RRM2: variants seen among roughly 807,000 people sequenced by gnomAD.
The protein encoded by RRM2 is ribonucleoside-diphosphate reductase subunit M2.
Under a neutral mutation model 45.9 loss-of-function variants are expected in RRM2, and 6 were observed. The observed-to-expected ratio is 0.13, with a 90% CI of 0.07 to 0.26. RRM2 has a LOEUF of 0.26. Ranked by LOEUF, RRM2 falls within the 10% of genes least tolerant of loss-of-function variation. The pLI is 1.00. For synonymous variants in RRM2, 177 were observed against 173.0 expected (o/e 1.02, Z -0.18); for missense variants, 343 against 489.5 (o/e 0.70, Z 2.82).
intron 3 of RRM2, among the ~76,000 whole-genome samples, chr2:10,175,704 T>G (rs1361768171): frequency 6.6e-6 from 1 of 152,028 alleles, no homozygotes; most frequent in Non-Finnish European, 1.5e-5. Flanking sequence ...TTCAAGTGAT[T>G]CTCCCCATCA....
chr2:10,158,899 C>A lies in RRM2; in HGVS notation n.482+16524C>A, dbSNP rs1331337573. Among the ~76,000 whole-genome samples, 5 of 152,138 alleles carry A rather than the reference C, an allele frequency of 3.3e-5. No homozygotes were observed. The East Asian group carries it at 9.7e-4, about 30-fold the overall frequency. ...CAGGCAGAAGCTGACACTGACCTGA[C>A]CCAACCTGGGCAGGCCTAGGAGAGC... is the stretch of plus-strand genomic sequence containing the variant. On this transcript the variant is annotated intron_variant and non_coding_transcript_variant, in intron 3 of 3. Coordinates refer to the RRM2 transcript ENST00000381786.
intron 3 of RRM2, among the ~76,000 whole-genome samples, chr2:10,183,986 G>C (rs1428242866): frequency 6.7e-6 from 1 of 150,340 alleles, no homozygotes; most frequent in Non-Finnish European, 1.5e-5. Flanking sequence ...CCAGCTACTG[G>C]GGAGGCTGAG....
intron 3 of RRM2, among the ~76,000 whole-genome samples, chr2:10,208,946 G>A (rs1200871083): frequency 3.3e-5 from 5 of 151,858 alleles, no homozygotes; most frequent in Non-Finnish European, 7.4e-5. Context: ...TCCCTCCCAC[G>A]TGCTGGATCC....
At chr2:10,168,214 T>C (rs1432289899) in intron 3 of RRM2, among the ~76,000 whole-genome samples, 1 of 152,084 alleles carries the variant, frequency 6.6e-6, no homozygotes, top group Non-Finnish European at 1.5e-5. Context: ...TCTCCCCAAC[T>C]GCAGAATCGC....
chr2:10,157,170 AG>A (rs1260633771), intron 3 of RRM2, among the ~76,000 whole-genome samples: 1 of 151,836 alleles, frequency 6.6e-6, no homozygotes, highest in African/African-American at 2.4e-5. Flanking sequence ...CTGGGACTAC[AG>A]GCGCCCGCCA....
At chr2:10,176,456 C>T (rs1394864549) in intron 3 of RRM2, among the ~76,000 whole-genome samples, 5 of 151,998 alleles carry the variant, frequency 3.3e-5, no homozygotes, top group Non-Finnish European at 5.9e-5. Flanking sequence ...TTAGTAGAGA[C>T]GGGGTTTCTC....
At chr2:10,187,113 G>A (rs554756202) in intron 3 of RRM2, among the ~76,000 whole-genome samples, 20 of 152,348 alleles carry the variant, frequency 1.3e-4, no homozygotes, top group African/African-American at 4.6e-4. Flanking sequence ...GTTTCCTGCC[G>A]GAGTGCTGGT....
chr2:10,209,373 A>G (rs1048184081), intron 3 of RRM2, among the ~76,000 whole-genome samples: 3 of 152,038 alleles, frequency 2.0e-5, no homozygotes, highest in Non-Finnish European at 2.9e-5. Flanking sequence ...AGTAGTTTCT[A>G]TAGTACAAAG....
intron 3 of RRM2, among the ~76,000 whole-genome samples, chr2:10,178,278 A>C (rs1225145706): frequency 6.8e-6 from 1 of 146,598 alleles, no homozygotes; most frequent in African/African-American, 2.6e-5. Context: ...ACTGGAGTGC[A>C]ATGGCACCAT....
intron 3 of RRM2, among the ~76,000 whole-genome samples, chr2:10,181,754 CTT>C (rs869117515): frequency 5.8e-4 from 33 of 57,242 alleles, no homozygotes; most frequent in Non-Finnish European, 7.7e-4. Context: ...CTCTCTCTCT[CTT>C]TTTTTTTTTT....
intron 5 of RRM2, among the ~76,000 whole-genome samples, chr2:10,125,665 G>C (rs1018555289): frequency 1.3e-5 from 2 of 152,070 alleles, no homozygotes; most frequent in Non-Finnish European, 1.5e-5. Flanking sequence ...GCAAGACTCC[G>C]TCTCAAAAAG....
At chr2:10,149,328 C>CGTGTTG (rs1485645484) in intron 3 of RRM2, among the ~76,000 whole-genome samples, 1 of 152,010 alleles carries the variant, frequency 6.6e-6, no homozygotes, top group Non-Finnish European at 1.5e-5. Context: ...GGTGTTTTGC[C>CGTGTTG]GTGTTGGCTA....
In RRM2 at chr2:10,195,751, T is replaced by C. The variant is rs1664401971; in HGVS notation, n.483-14560T>C. ...GCCTCAGGGACGTGTCGTGACTGGC[T>C]GAAGGCTGTCACGGTGGTCCTGTGT... On this transcript the variant is annotated intron_variant and non_coding_transcript_variant, in intron 3 of 3. Coordinates refer to the RRM2 transcript ENST00000381786. This position sits in a 1 kb window ranked among gnomAD's most constrained non-coding sequence, Gnocchi z 4.9. 6.6e-6 allele frequency among the ~76,000 whole-genome samples: 1 copy of C among 152,086 alleles called. No homozygotes were observed. Among genetic ancestry groups the C allele is most frequent in the South Asian group, 2.1e-4 (1 of 4,824 alleles).
chr2:10,150,233 G>A (rs943178042), intron 3 of RRM2, among the ~76,000 whole-genome samples: 1 of 152,048 alleles, frequency 6.6e-6, no homozygotes, highest in African/African-American at 2.4e-5. Context: ...GGATCACGAG[G>A]TCAGGAGATC....
At chr2:10,152,230 G>A (rs1411334854) in intron 3 of RRM2, among the ~76,000 whole-genome samples, 3 of 152,062 alleles carry the variant, frequency 2.0e-5, no homozygotes, top group Non-Finnish European at 2.9e-5. Context: ...TTGCAGGTGT[G>A]AGCCACCATG....
At chr2:10,148,626 C>A (rs1374220612) in intron 3 of RRM2, among the ~76,000 whole-genome samples, 3 of 152,156 alleles carry the variant, frequency 2.0e-5, no homozygotes, top group Admixed American at 1.3e-4. Flanking sequence ...TGTCCAAAGT[C>A]TTTTTTATTT....
chr2:10,186,707 T>C (rs558965722), intron 3 of RRM2, among the ~76,000 whole-genome samples: 1 of 152,350 alleles, frequency 6.6e-6, no homozygotes, highest in East Asian at 1.9e-4. Context: ...GGACTTAGCG[T>C]AGGTCCTGCT....
intron 3 of RRM2, among the ~76,000 whole-genome samples, chr2:10,181,816 G>A (rs112589282): frequency 0.26 from 34,840 of 133,856 alleles, 5,784 homozygotes; most frequent in Non-Finnish European, 0.35. Context: ...TCAGGCTGGA[G>A]TGCAGTGTTG....
At chr2:10,134,954 C>T (rs1039592530), downstream of RRM2, among the ~76,000 whole-genome samples, 7 of 152,202 alleles carry the variant, frequency 4.6e-5, no homozygotes, top group African/African-American at 9.7e-5. Flanking sequence ...TTCCTAGTCT[C>T]ATTTGAATGA....
Sources: allele counts gnomAD v4.1 joint callset (sites outside exome capture counted in the v4.1 genomes callset), GRCh38; gene constraint gnomAD v4.1.1; non-coding constraint Gnocchi (gnomAD v3.1); transcripts MANE v1.5; gene names NCBI Gene and HGNC (gene_info 2026-07-23, HGNC 2026-07-21).